The following NUMB variants were observed in gnomAD, a reference collection of about 807,000 sequenced individuals.
NUMB encodes the protein NUMB endocytic adaptor protein, also known as protein numb homolog.
NUMB carries 29 observed loss-of-function variants against 59.7 expected under a neutral mutation model. The ratio of observed to expected loss-of-function variants is 0.49; its 90% CI spans 0.36 to 0.66. The LOEUF is 0.66. NUMB is among the 30% of genes least tolerant of loss of function. The pLI, the probability that NUMB is intolerant of heterozygous loss-of-function variation, is 0.00. For missense variants in NUMB, 723 were observed against 822.0 expected (o/e 0.88, Z 1.47); for synonymous variants, 288 against 288.2 (o/e 1.00, Z 0.01).
intron 3 of NUMB, among the ~76,000 whole-genome samples, 173 bp from the exon 4 acceptor site, chr14:73,355,939 A>T (rs1893758321): frequency 6.6e-6 from 1 of 152,198 alleles, no homozygotes; most frequent in Admixed American, 6.5e-5. Context: ...TGAATAGAAC[A>T]TTTCCTCTTA....
At chr14:73,418,090 G>T (rs1418463868) in intron 1 of NUMB, among the ~76,000 whole-genome samples, 2 of 151,522 alleles carry the variant, frequency 1.3e-5, no homozygotes, top group Non-Finnish European at 1.5e-5. Context: ...GGGTGACAGG[G>T]CAAGACTCTG....
At chr14:73,353,069 C>CTTGTTTTTTTTTTTTTTTTTTT (rs1893519823) in intron 4 of NUMB, among the ~76,000 whole-genome samples, 1 of 18,084 alleles carries the variant, frequency 5.5e-5, no homozygotes, top group Non-Finnish European at 1.0e-4. Context: ...CACAGTTTTT[C>CTTGTTTTTTTTTTTTTTTTTTT]TTGTTTTTTT....
intron 4 of NUMB, among the ~76,000 whole-genome samples, chr14:73,352,530 G>GGTTGT (rs1555373807): frequency 4.9e-5 from 1 of 20,274 alleles, no homozygotes; most frequent in African/African-American, 1.7e-4. Context: ...ATATATATAT[G>GGTTGT]TTTTTTTTTT....
At chr14:73,383,926 G>A (rs1253092170) in intron 2 of NUMB, among the ~76,000 whole-genome samples, 1 of 151,930 alleles carries the variant, frequency 6.6e-6, no homozygotes, top group African/African-American at 2.4e-5. Context: ...CTGAGGCAGA[G>A]GAACCGCTTG....
intron 4 of NUMB, among the ~76,000 whole-genome samples, chr14:73,331,679 T>C (rs988755325): frequency 1.6e-4 from 25 of 152,194 alleles, no homozygotes; most frequent in Admixed American, 1.6e-3. Flanking sequence ...AATTGGATCA[T>C]GGGGGCTGTT....
In NUMB at chr14:73,284,134, T is replaced by C. The variant is rs755961777; in HGVS notation, c.896A>G (p.Asn299Ser). Residue 299 changes from asparagine to serine, a missense_variant, in exon 10 of 13, where the codon AAT becomes AGT. Physicochemically the swap from Asn to Ser is conservative, Grantham distance 46 (BLOSUM62 1). Transcript: ENST00000555238. ...CCTCTGCATAGTGGAAGGCAACTCA[T>C]TGATGCGTAGGGATAGTTGGCGTTT... ...PFKRQLSLRI[N>S]ELPSTMQRKT... 1.3e-4 allele frequency: 211 copies of C among 1,614,084 alleles called. 6 individuals carry two copies. In the South Asian group the frequency reaches 2.2e-3, roughly 17 times the overall value.
intron 1 of NUMB, among the ~76,000 whole-genome samples, chr14:73,414,433 G>A (rs977862299): frequency 1.2e-4 from 18 of 152,060 alleles, no homozygotes; most frequent in African/African-American, 4.1e-4. Flanking sequence ...TCACTCTGTC[G>A]CTCTGGCTGG....
In NUMB at chr14:73,411,980, A is replaced by T. The variant is rs186016757; in HGVS notation, c.-232-1912T>A. On this transcript the variant is annotated intron_variant, in intron 1 of 12. Coordinates refer to ENST00000555238, the MANE Select transcript of NUMB (RefSeq NM_001005743.2). ...TGATTTATTACCCAGGCTAGAGTGC[A>T]GTGGTACAATCATGCCTCACTGCAG... 5.0e-3 allele frequency among the ~76,000 whole-genome samples: 683 copies of T among 137,748 alleles called. 7 individuals carry two copies. The highest frequency in any genetic ancestry group is 0.017 in the African/African-American group (640 of 36,636). 90.4% of individuals were successfully genotyped at this position (137,748 alleles called of 152,430 possible). A position where few individuals can be genotyped will look rare whatever the true frequency, so the allele number is the denominator to read the frequency against.
At chr14:73,353,072 G>GTTGTTTTTTTTT (rs1893522798) in intron 4 of NUMB, among the ~76,000 whole-genome samples, 1 of 58,514 alleles carries the variant, frequency 1.7e-5, no homozygotes. Flanking sequence ...AGTTTTTCTT[G>GTTGTTTTTTTTT]TTTTTTTTTT....
chr14:73,447,048 G>A (rs781596757), intron 1 of NUMB, among the ~76,000 whole-genome samples: 8 of 151,720 alleles, frequency 5.3e-5, no homozygotes, highest in Middle Eastern at 3.4e-3. Flanking sequence ...TTAGCTGGGC[G>A]TGGTGGCGCA....
At chr14:73,281,405 G>A (rs1888628283) in intron 11 of NUMB, 2 of 152,090 alleles carry the variant, frequency 1.3e-5, no homozygotes. Flanking sequence ...TAGATGACAT[G>A]AAAAGTCATT....
chr14:73,377,840 A>C (rs1047793887), intron 2 of NUMB, among the ~76,000 whole-genome samples: 1 of 151,992 alleles, frequency 6.6e-6, no homozygotes, highest in Non-Finnish European at 1.5e-5. Context: ...GTTGGCGGGT[A>C]CCTGTAATCC....
chr14:73,322,959 A>T, intron 5 of NUMB, 171 bp downstream of exon 5: 3 of 501,930 alleles, frequency 6.0e-6, no homozygotes, highest in Non-Finnish European at 7.0e-6. Flanking sequence ...CCAAAGTGCT[A>T]GGATTACAGG....
intron 1 of NUMB, among the ~76,000 whole-genome samples, chr14:73,426,092 G>A (rs1248194134): frequency 3.9e-5 from 6 of 152,064 alleles, no homozygotes; most frequent in African/African-American, 4.8e-5. Flanking sequence ...TTACAGACAT[G>A]AGCCACCGTG....
rs71112755 is a variant in NUMB at position 73,437,041 on chromosome 14, C to CTTTTT, written c.-233+21447_-233+21451dup. 4.5e-4 allele frequency among the ~76,000 whole-genome samples: 48 copies of CTTTTT among 106,658 alleles called. 1 individual carries two copies. The highest frequency in any genetic ancestry group is 5.6e-4 in the African/African-American group (15 of 26,928). 70.0% of individuals were successfully genotyped at this position (106,658 alleles called of 152,430 possible). A position where few individuals can be genotyped will look rare whatever the true frequency, so the allele number is the denominator to read the frequency against. On this transcript the variant is annotated intron_variant, in intron 1 of 12. Transcript: ENST00000555238. ...TTGTACCTATATATTTTTTCTCTCTCTTTTTTTTTTTTTTTTTTTTTGTTG... is the reference window on the plus strand; with the variant it reads ...TTGTACCTATATATTTTTTCTCTCTCTTTTTTTTTTTTTTTTTTTTTTTTTTGTTG...
intron 5 of NUMB, among the ~76,000 whole-genome samples, chr14:73,319,250 G>A (rs926167057): frequency 4.6e-5 from 7 of 152,082 alleles, no homozygotes; most frequent in Non-Finnish European, 1.0e-4. Flanking sequence ...GTGACAGAGC[G>A]AAACTCCACT....
intron 6 of NUMB, among the ~76,000 whole-genome samples, chr14:73,314,729 C>T (rs74061100): frequency 0.065 from 9,804 of 151,800 alleles, 785 homozygotes; most frequent in African/African-American, 0.18. Context: ...TATAGCTTAT[C>T]GTATATAGCC....
intron 7 of NUMB, among the ~76,000 whole-genome samples, chr14:73,296,260 T>C (rs1024549309): frequency 6.6e-6 from 1 of 151,962 alleles, no homozygotes; most frequent in African/African-American, 2.4e-5. Flanking sequence ...CTGACCAACA[T>C]GGTGAAACCT....
chr14:73,457,508 C>T (rs1270640988), intron 1 of NUMB: 3 of 152,260 alleles, frequency 2.0e-5, no homozygotes, highest in African/African-American at 7.2e-5. Context: ...CCTCGGGCAA[C>T]TTTCTTTCTC....
Sources: allele counts gnomAD v4.1 joint callset (sites outside exome capture counted in the v4.1 genomes callset), GRCh38; gene constraint gnomAD v4.1.1; transcripts MANE v1.5; gene names NCBI Gene and HGNC (gene_info 2026-07-23, HGNC 2026-07-21).